CTNNA2: variants seen among roughly 807,000 people sequenced by gnomAD.
CTNNA2 encodes catenin alpha-2.
Under a neutral mutation model 101.0 loss-of-function variants are expected in CTNNA2, and 42 were observed. The observed-to-expected ratio is 0.42, with a 90% CI of 0.32 to 0.54. The LOEUF (loss-of-function observed/expected upper bound fraction) is 0.54, where lower values mean the gene tolerates loss of function less well. Ranked by LOEUF, CTNNA2 falls within the 20% of genes least tolerant of loss-of-function variation. The pLI is 0.14. For missense variants in CTNNA2, 871 were observed against 1,223.1 expected, an observed-to-expected ratio of 0.71 and a Z score of 4.29; for synonymous variants, 450 against 456.4, an observed-to-expected ratio of 0.99 and a Z score of 0.18.
rs1699763321 is a variant in CTNNA2 at position 80,091,048 on chromosome 2, G to A, written c.1056+181251G>A. Reference sequence around the variant, plus strand: ...GAGATTTGGAATTGTATTAACATATGAGTGTCAGAGAGGTATAGTCTCATC... The same window carrying A: ...GAGATTTGGAATTGTATTAACATATAAGTGTCAGAGAGGTATAGTCTCATC... On this transcript the variant is annotated intron_variant, in intron 7 of 18. Transcript: ENST00000402739. 2.0e-5 allele frequency among the ~76,000 whole-genome samples: 3 copies of A among 152,106 alleles called. No individual in the cohort carries two copies. In the South Asian group the frequency reaches 6.2e-4, roughly 32 times the overall value.
intron 14 of CTNNA2, chr2:80,586,611 G>A (rs1450227991): frequency 1.3e-5 from 2 of 152,150 alleles, no homozygotes; most frequent in Non-Finnish European, 2.9e-5. Flanking sequence ...TGGAATAGCT[G>A]TCTTGCTATG....
intron 4 of CTNNA2, among the ~76,000 whole-genome samples, chr2:79,478,703 A>T (rs1333992492): frequency 6.6e-6 from 1 of 152,176 alleles, no homozygotes; most frequent in East Asian, 1.9e-4. Context: ...TACTAATAAT[A>T]TTCTGGACTC....
intron 7 of CTNNA2, among the ~76,000 whole-genome samples, chr2:80,266,745 C>T (rs1673031975): frequency 2.0e-5 from 3 of 152,152 alleles, no homozygotes; most frequent in Non-Finnish European, 4.4e-5. Flanking sequence ...CTGAGCTGGA[C>T]TGCAAAGTAT....
intron 7 of CTNNA2, among the ~76,000 whole-genome samples, chr2:80,102,567 C>A (rs772790888): frequency 6.6e-6 from 1 of 152,168 alleles, no homozygotes; most frequent in Non-Finnish European, 1.5e-5. Flanking sequence ...GGCTGGAGTT[C>A]AGTGGCATGA....
chr2:79,999,530 A>G (rs1279530272), intron 7 of CTNNA2, among the ~76,000 whole-genome samples: 1 of 152,070 alleles, frequency 6.6e-6, no homozygotes, highest in Non-Finnish European at 1.5e-5. Flanking sequence ...AGAGAAAATA[A>G]AGAAGGAGCC....
chr2:79,992,925 T>A (rs72813755), intron 7 of CTNNA2, among the ~76,000 whole-genome samples: 6,563 of 152,294 alleles, frequency 0.043, 178 homozygotes, highest in Non-Finnish European at 0.065. Context: ...TGTGAGGATC[T>A]GGTGACATGT....
intron 2 of CTNNA2, among the ~76,000 whole-genome samples, chr2:79,242,414 G>A (rs1450215132): frequency 6.6e-6 from 1 of 151,884 alleles, no homozygotes; most frequent in Non-Finnish European, 1.5e-5. Flanking sequence ...AACCTAATTC[G>A]AATTTTATGT....
intron 2 of CTNNA2, among the ~76,000 whole-genome samples, chr2:79,694,328 A>C (rs1684512043): frequency 6.6e-6 from 1 of 151,982 alleles, no homozygotes; most frequent in South Asian, 2.1e-4. Flanking sequence ...GAAAGAAAAC[A>C]CTCAACCATT....
intron 9 of CTNNA2, among the ~76,000 whole-genome samples, chr2:80,454,695 C>T (rs901102358): frequency 3.9e-5 from 6 of 152,160 alleles, no homozygotes; most frequent in East Asian, 1.9e-4. Flanking sequence ...TTAGTTCTGC[C>T]GGGCAGCATG....
intron 3 of CTNNA2, among the ~76,000 whole-genome samples, chr2:79,749,528 G>A (rs895949071): frequency 1.3e-5 from 2 of 152,046 alleles, no homozygotes; most frequent in African/African-American, 2.4e-5. Context: ...CCTAATGTAA[G>A]TTTAAACCGT....
chr2:79,442,470 G>A (rs1678787281), intron 4 of CTNNA2, among the ~76,000 whole-genome samples: 1 of 151,996 alleles, frequency 6.6e-6, no homozygotes, highest in Admixed American at 6.6e-5. Context: ...TTGAAATTTG[G>A]CATGAAGATA....
intron 1 of CTNNA2, among the ~76,000 whole-genome samples, chr2:79,552,839 G>T (rs1674199886): frequency 6.6e-6 from 1 of 152,188 alleles, no homozygotes; most frequent in South Asian, 2.1e-4. Flanking sequence ...GGGGCCCAGG[G>T]CCTGACCCAC....
At chr2:79,198,972 A>G (rs1212325345) in intron 2 of CTNNA2, among the ~76,000 whole-genome samples, 1 of 152,226 alleles carries the variant, frequency 6.6e-6, no homozygotes, top group Admixed American at 6.5e-5. Flanking sequence ...TTGTTTCATT[A>G]ACATTGCAAT....
intron 7 of CTNNA2, among the ~76,000 whole-genome samples, chr2:79,961,370 G>C (rs1339811384): frequency 1.3e-5 from 2 of 152,168 alleles, no homozygotes; most frequent in Non-Finnish European, 2.9e-5. Context: ...CCCAGTGCTT[G>C]AGGCATGATT....
intron 2 of CTNNA2, among the ~76,000 whole-genome samples, chr2:79,275,487 A>C (rs1450811862): frequency 6.6e-6 from 1 of 152,078 alleles, no homozygotes; most frequent in Admixed American, 6.6e-5. Context: ...CAGTAGTACC[A>C]ATCAATTTAG....
At chr2:79,691,559 A>G (rs1346551149) in intron 2 of CTNNA2, among the ~76,000 whole-genome samples, 1 of 152,128 alleles carries the variant, frequency 6.6e-6, no homozygotes, top group East Asian at 1.9e-4. Flanking sequence ...AAGAGTCTGT[A>G]TAGCCAGGAC....
intron 2 of CTNNA2, among the ~76,000 whole-genome samples, chr2:79,270,362 C>G (rs1675052360): frequency 6.6e-6 from 1 of 152,032 alleles, no homozygotes. Flanking sequence ...TTCTGATGTG[C>G]AATCTGCTTC....
At chr2:79,408,840 G>C (rs887271939) in intron 4 of CTNNA2, among the ~76,000 whole-genome samples, 4 of 151,668 alleles carry the variant, frequency 2.6e-5, no homozygotes, top group South Asian at 2.1e-4. Context: ...GGGTCAAATG[G>C]TATTTCTAGT....
intron 8 of CTNNA2, among the ~76,000 whole-genome samples, chr2:80,405,237 C>A (rs536202926): frequency 1.3e-5 from 2 of 152,100 alleles, no homozygotes; most frequent in Non-Finnish European, 2.9e-5. Flanking sequence ...TATTGACGAT[C>A]GCTGCAATTC....
Sources: gnomAD v4.1 joint callset for allele counts (sites outside exome capture counted in the v4.1 genomes callset) on GRCh38, gnomAD v4.1.1 for gene constraint, MANE v1.5 for transcripts, NCBI Gene and HGNC (gene_info 2026-07-23, HGNC 2026-07-21) for gene names.